The following SCN10A variants were observed in gnomAD, a reference collection of about 807,000 sequenced individuals.
The protein encoded by SCN10A is sodium channel protein type 10 subunit alpha.
A neutral mutation model predicts 170.7 loss-of-function variants in SCN10A; 162 were observed. That is an observed-to-expected ratio of 0.95 (90% CI 0.84 to 1.08). SCN10A has a LOEUF of 1.08. Ranked by LOEUF, SCN10A falls within the 50% of genes least tolerant of loss-of-function variation. The pLI is 0.00. For synonymous variants in SCN10A, 985 were observed against 904.6 expected, an observed-to-expected ratio of 1.09 and a Z score of -1.59; for missense variants, 2,527 against 2,436.9, an observed-to-expected ratio of 1.04 and a Z score of -0.78.
chr3:38,718,615 G>T (rs2063356074), intron 21 of SCN10A, 38 bp downstream of exon 21: 1 of 1,607,074 alleles, frequency 6.2e-7, no homozygotes, highest in African/African-American at 1.3e-5. Flanking sequence ...TCAGAGGGGA[G>T]GACCCCAAAC....
At chr3:38,756,996 G>C in intron 9 of SCN10A, 22 bp downstream of exon 9, 2 of 1,604,230 alleles carry the variant, frequency 1.2e-6, no homozygotes, top group Non-Finnish European at 1.7e-6. Flanking sequence ...CCAAGTCTGC[G>C]TGGGGGAATG....
In SCN10A at chr3:38,697,887, G is replaced by T. The variant is rs2063110494; in HGVS notation, c.5333C>A (p.Pro1778Gln). ...GATCAGTATATTTCGATTGGGTTTT[G>T]GGATTCTCAGGGGACCAGAGAGAGT... ...ADTLSGPLRI[P>Q]KPNRNILIQM... Residue 1778 changes from proline to glutamine, a missense_variant, in exon 28 of 28, where the codon CCA becomes CAA. Transcript: ENST00000449082. The T allele has an allele frequency of 6.2e-7, 1 of 1,614,090 alleles. No individual in the cohort carries two copies. The highest frequency in any genetic ancestry group is 8.5e-7 in the Non-Finnish European group (1 of 1,180,028).
intron 4 of SCN10A, among the ~76,000 whole-genome samples, chr3:38,786,534 G>A (rs2064205376): frequency 6.6e-6 from 1 of 152,066 alleles, no homozygotes; most frequent in South Asian, 2.1e-4. Context: ...TGTAGATGAT[G>A]GGTTGATGGG....
chr3:38,802,480 A>G (rs2064378615), intron 1 of SCN10A, among the ~76,000 whole-genome samples: 1 of 152,186 alleles, frequency 6.6e-6, no homozygotes, highest in East Asian at 1.9e-4. Flanking sequence ...CCGTTTTAAC[A>G]CATTGTAACT....
At chr3:38,712,583 T>C (rs1319952768) in intron 22 of SCN10A, 138 bp from the exon 23 acceptor site, 1 of 795,412 alleles carries the variant, frequency 1.3e-6, no homozygotes, top group Non-Finnish European at 2.0e-6. Flanking sequence ...GGTTAATTAG[T>C]GCAATAATTC....
Position 38,793,881 on chromosome 3 carries a change from G to T in SCN10A, c.130C>A (p.Gln44Lys). The T allele has an allele frequency of 2.5e-6, 4 of 1,614,060 alleles. No individual in the cohort carries two copies. Among genetic ancestry groups the T allele is most frequent in the Non-Finnish European group, 3.4e-6 (4 of 1,179,946 alleles). The part of the protein sequence containing the change: ...TKKAREKHRE[Q>K]KDQEEKPRPQ... The stretch of plus-strand genomic sequence containing the variant: ...CGAGGCTTCTCTTCTTGGTCCTTCT[G>T]CTCCCTATGCTTCTCTCTGGCTTTC... Residue 44 changes from glutamine (Q) to lysine (K), a missense_variant, in exon 2 of 28, where the codon CAG (glutamine) becomes AAG (lysine). Transcript: ENST00000449082.
At chr3:38,794,914 C>T (rs1009342912) in intron 1 of SCN10A, among the ~76,000 whole-genome samples, 2 of 152,156 alleles carry the variant, frequency 1.3e-5, no homozygotes, top group Admixed American at 6.5e-5. Context: ...TCCAACTCAC[C>T]TGTGTCTGCA....
At chr3:38,739,291 G>A (rs2063603798) in intron 15 of SCN10A, among the ~76,000 whole-genome samples, 2 of 152,200 alleles carry the variant, frequency 1.3e-5, no homozygotes, top group Non-Finnish European at 2.9e-5. Flanking sequence ...TCTTGGTGCA[G>A]ATAAGGGAGC....
chr3:38,729,483 C>G (rs1189902147), intron 15 of SCN10A, among the ~76,000 whole-genome samples: 2 of 152,034 alleles, frequency 1.3e-5, no homozygotes, highest in Non-Finnish European at 2.9e-5. Flanking sequence ...ACGAACCTAC[C>G]CCCCAGAACT....
At chr3:38,736,361 CTGTG>C (rs68001863) in intron 15 of SCN10A, among the ~76,000 whole-genome samples, 3,288 of 139,416 alleles carry the variant, frequency 0.024, 89 homozygotes, top group African/African-American at 0.073. Context: ...TAGGGAAACT[CTGTG>C]TGTGTGTGTG....
chr3:38,712,286 G>T lies in SCN10A; in HGVS notation c.3964C>A (p.Pro1322Thr). ...GACTTGTTATTCACAATCGACAAAG[G>T]TACAAGGGAAAACTCTCCATCGGTA... Reference protein sequence around the residue: ...NYTDGEFSLVPLSIVNNKSDC... With the variant: ...NYTDGEFSLVTLSIVNNKSDC... The change falls in exon 23 of 28, where the codon CCT (proline) becomes ACT (threonine). Residue 1322 changes from proline to threonine, a missense_variant. Physicochemically the swap from Pro to Thr is conservative, Grantham distance 38 (BLOSUM62 -1). Coordinates refer to ENST00000449082, the MANE Select transcript of SCN10A (RefSeq NM_006514.4). The T allele has an allele frequency of 6.2e-7, 1 of 1,614,162 alleles. No individual in the cohort carries two copies. The highest frequency in any genetic ancestry group is 2.2e-5 in the East Asian group (1 of 44,882).
intron 27 of SCN10A, among the ~76,000 whole-genome samples, chr3:38,700,920 T>C (rs1196249265): frequency 6.6e-6 from 1 of 152,224 alleles, no homozygotes; most frequent in Admixed American, 6.5e-5. Context: ...AGCTAACCCA[T>C]AAGCCCAGGG....
intron 13 of SCN10A, among the ~76,000 whole-genome samples, chr3:38,743,963 C>T (rs2063660338): frequency 1.3e-5 from 2 of 152,124 alleles, no homozygotes; most frequent in African/African-American, 4.8e-5. Flanking sequence ...AATTTCTTAG[C>T]TTTAGGTTTA....
intron 1 of SCN10A, among the ~76,000 whole-genome samples, chr3:38,807,041 A>G (rs768705077): frequency 3.3e-5 from 5 of 152,182 alleles, no homozygotes; most frequent in Non-Finnish European, 5.9e-5. Flanking sequence ...TCCTTAACAG[A>G]TATCACAGGA....
In SCN10A at chr3:38,772,153, G is replaced by A. The variant is rs554598088; in HGVS notation, c.471-746C>T. Among the ~76,000 whole-genome samples the A allele has an allele frequency of 8.5e-5, 13 of 152,116 alleles. No homozygotes were observed. In the South Asian group the frequency reaches 1.7e-3, roughly 19 times the overall value. On this transcript the variant is annotated intron_variant, in intron 4 of 27. Transcript: ENST00000449082. ...ATAAAGAAAAGTTTACCTACTGAAA[G>A]GCAAACAACTCCCCTCCCTATTCAC... is the stretch of plus-strand genomic sequence containing the variant.
chr3:38,807,994 A>G (rs1224409449), intron 1 of SCN10A, among the ~76,000 whole-genome samples: 1 of 152,034 alleles, frequency 6.6e-6, no homozygotes, highest in Non-Finnish European at 1.5e-5. Flanking sequence ...TGCAAATCTG[A>G]TCATATCACT....
At chr3:38,756,941 C>T in intron 9 of SCN10A, 70 bp from the exon 10 acceptor site, 1 of 1,606,908 alleles carries the variant, frequency 6.2e-7, no homozygotes, top group East Asian at 2.2e-5. Flanking sequence ...AAGTCAGCCT[C>T]CTCCAGGAAA....
At chr3:38,766,296 C>T (rs1476721661) in intron 5 of SCN10A, among the ~76,000 whole-genome samples, 2 of 152,190 alleles carry the variant, frequency 1.3e-5, no homozygotes, top group South Asian at 2.1e-4. Flanking sequence ...TGAAAGTGGG[C>T]ATCCTTGTCT....
rs534336374 is a variant in SCN10A, at chr3:38,759,684, G to A, written c.950+997C>T. Among the ~76,000 whole-genome samples, 4 of 152,256 alleles carry A rather than the reference G, an allele frequency of 2.6e-5. No individual in the cohort carries two copies. In the East Asian group the frequency reaches 5.8e-4, roughly 22 times the overall value. On this transcript the variant is annotated intron_variant, in intron 8 of 27. Transcript: ENST00000449082. Reference sequence around the variant, plus strand: ...TTTGGAATAGGTAGCCAATGTTTACGGTTGGGAGATTTTATATAAAAATCT... The same window carrying A: ...TTTGGAATAGGTAGCCAATGTTTACAGTTGGGAGATTTTATATAAAAATCT...
Sources: gnomAD v4.1 joint callset for allele counts (sites outside exome capture counted in the v4.1 genomes callset) on GRCh38, gnomAD v4.1.1 for gene constraint, MANE v1.5 for transcripts, NCBI Gene and HGNC (gene_info 2026-07-23, HGNC 2026-07-21) for gene names.